TMED3: variants seen among roughly 807,000 people sequenced by gnomAD.
TMED3 encodes the protein transmembrane emp24 domain-containing protein 3.
A neutral mutation model predicts 15.0 loss-of-function variants in TMED3; 9 were observed. The ratio of observed to expected loss-of-function variants is 0.60; its 90% CI spans 0.36 to 1.04. The LOEUF is 1.04. TMED3 is among the 50% of genes least tolerant of loss of function. The pLI, the probability that TMED3 is intolerant of heterozygous loss-of-function variation, is 0.01. For synonymous variants in TMED3, 117 were observed against 121.4 expected, an observed-to-expected ratio of 0.96 and a Z score of 0.24; for missense variants, 267 against 278.9, an observed-to-expected ratio of 0.96 and a Z score of 0.30.
At chr15:79,398,549 C>T (rs1019408416) in intron 2 of TMED3, among the ~76,000 whole-genome samples, 3 of 149,518 alleles carry the variant, frequency 2.0e-5, no homozygotes, top group African/African-American at 4.9e-5. Flanking sequence ...GGCCTGAGAA[C>T]GGGAAGCTGT....
intron 2 of TMED3, among the ~76,000 whole-genome samples, chr15:79,355,745 A>G (rs1250846273): frequency 6.6e-6 from 1 of 152,180 alleles, no homozygotes; most frequent in Admixed American, 6.5e-5. Context: ...AGCCATCAGG[A>G]AACCAAGCTC....
chr15:79,358,337 A>T (rs902368902), intron 2 of TMED3, among the ~76,000 whole-genome samples: 5 of 152,272 alleles, frequency 3.3e-5, no homozygotes, highest in Non-Finnish European at 7.3e-5. Context: ...TTCAAAGCAT[A>T]AAACTTTAAA....
chr15:79,352,132 T>C (rs2058893355), intron 2 of TMED3, among the ~76,000 whole-genome samples: 1 of 151,844 alleles, frequency 6.6e-6, no homozygotes, highest in South Asian at 2.1e-4. Flanking sequence ...ACTGCACGGG[T>C]GATGGGTGCA....
intron 2 of TMED3, among the ~76,000 whole-genome samples, chr15:79,399,530 G>A (rs1488609129): frequency 2.0e-5 from 3 of 152,216 alleles, no homozygotes; most frequent in African/African-American, 4.8e-5. Context: ...GTAGGATGGT[G>A]TGTAGCAACA....
chr15:79,394,297 G>A (rs1429359536), intron 2 of TMED3, among the ~76,000 whole-genome samples: 6 of 152,262 alleles, frequency 3.9e-5, no homozygotes, highest in African/African-American at 9.6e-5. Flanking sequence ...CAGCCTTGCC[G>A]ATCTTTATAG....
intron 2 of TMED3, among the ~76,000 whole-genome samples, chr15:79,366,535 C>T (rs1333211311): frequency 6.6e-6 from 1 of 152,172 alleles, no homozygotes; most frequent in African/African-American, 2.4e-5. Flanking sequence ...CAAATTGCTC[C>T]CTTACTTCTC....
intron 2 of TMED3, among the ~76,000 whole-genome samples, chr15:79,340,712 T>C (rs558161889): frequency 2.0e-5 from 3 of 152,234 alleles, no homozygotes; most frequent in Non-Finnish European, 4.4e-5. Flanking sequence ...AGTGGTATCA[T>C]GGATGCATTC....
At chr15:79,361,526 A>G (rs1209475754) in intron 2 of TMED3, among the ~76,000 whole-genome samples, 1 of 152,184 alleles carries the variant, frequency 6.6e-6, no homozygotes, top group Non-Finnish European at 1.5e-5. Flanking sequence ...ACGCAAAGGC[A>G]TAGAATGACA....
chr15:79,390,270 C>A (rs1369377686), intron 2 of TMED3, among the ~76,000 whole-genome samples: 5 of 152,114 alleles, frequency 3.3e-5, no homozygotes, highest in African/African-American at 1.2e-4. Flanking sequence ...CACTTGTATG[C>A]TGATTTTGCT....
intron 2 of TMED3, among the ~76,000 whole-genome samples, chr15:79,353,094 T>A (rs1191384457): frequency 1.0e-5 from 1 of 98,526 alleles, no homozygotes; most frequent in Admixed American, 1.5e-4. Flanking sequence ...AAAATATAAA[T>A]GTATATAAAA....
chr15:79,329,216 C>G (rs1567024957), intron 2 of TMED3, among the ~76,000 whole-genome samples: 1 of 152,208 alleles, frequency 6.6e-6, no homozygotes, highest in East Asian at 1.9e-4. Flanking sequence ...GAGACAACAA[C>G]CAGGGCCTGG....
rs781025741 is a variant in TMED3, at chr15:79,313,964, A to G, written c.376A>G (p.Ile126Val). ...CTTTCAAGTGGGCGATGAGCCTCCC[A>G]TTCTCCCAGACATGGGGAACAGGGT... ...FDFQVGDEPP[I>V]LPDMGNRVTA... The change falls in exon 2 of 3, where the codon ATT (isoleucine) becomes GTT (valine). Residue 126 changes from isoleucine (I) to valine (V), a missense_variant. Ile to Val is a conservative substitution (Grantham distance 29, BLOSUM62 3). Coordinates refer to ENST00000299705, the MANE Select transcript of TMED3 (RefSeq NM_007364.4). 2.5e-6 allele frequency: 4 copies of G among 1,614,188 alleles called. No homozygotes were observed. Among genetic ancestry groups the G allele is most frequent in the South Asian group, 1.1e-5 (1 of 91,080 alleles).
intron 2 of TMED3, among the ~76,000 whole-genome samples, chr15:79,387,535 A>G (rs547630019): frequency 4.6e-5 from 7 of 152,034 alleles, no homozygotes; most frequent in Non-Finnish European, 2.9e-5. Context: ...AGCTGTTTGC[A>G]TTTCCGTGAA....
chr15:79,318,740 C>T (rs909119952), intron 2 of TMED3, among the ~76,000 whole-genome samples: 1 of 152,234 alleles, frequency 6.6e-6, no homozygotes, highest in Non-Finnish European at 1.5e-5. Flanking sequence ...AGCTGACATG[C>T]TTTAGTGAGC....
At chr15:79,411,694 C>T (rs548187248) in exon 3 of TMED3, 119 of 540,494 alleles carry the variant, frequency 2.2e-4, no homozygotes, top group Middle Eastern at 1.5e-3. Flanking sequence ...TCTGGAATCC[C>T]GGCAGGAGGA....
chr15:79,378,199 A>T (rs1893463225), intron 2 of TMED3, among the ~76,000 whole-genome samples: 1 of 152,250 alleles, frequency 6.6e-6, no homozygotes, highest in African/African-American at 2.4e-5. Context: ...AATACAATTC[A>T]TTACTAGCAT....
intron 2 of TMED3, among the ~76,000 whole-genome samples, chr15:79,334,188 A>G (rs1339205385): frequency 3.9e-5 from 6 of 152,198 alleles, no homozygotes; most frequent in Non-Finnish European, 5.9e-5. Flanking sequence ...TAAGAGTAAA[A>G]TAGAATTTAA....
intron 2 of TMED3, among the ~76,000 whole-genome samples, chr15:79,330,116 T>G (rs986384891): frequency 2.0e-5 from 3 of 152,190 alleles, no homozygotes; most frequent in African/African-American, 4.8e-5. Context: ...CTGAACGCTT[T>G]TTCTCTAAGA....
chr15:79,312,619 A>G (rs967413198), intron 1 of TMED3, among the ~76,000 whole-genome samples: 1 of 152,150 alleles, frequency 6.6e-6, no homozygotes, highest in Non-Finnish European at 1.5e-5. Flanking sequence ...CCTTTGATGG[A>G]TCTTGGTTAT....
Sources: gnomAD v4.1 joint callset for allele counts (sites outside exome capture counted in the v4.1 genomes callset) on GRCh38, gnomAD v4.1.1 for gene constraint, MANE v1.5 for transcripts, NCBI Gene and HGNC (gene_info 2026-07-23, HGNC 2026-07-21) for gene names.